SUN1: variants seen among roughly 807,000 people sequenced by gnomAD.
SUN1 encodes Sad1 and UNC84 domain containing 1, also known as SUN domain-containing protein 1.
SUN1 carries 61 observed loss-of-function variants against 103.2 expected under a neutral mutation model. That is an observed-to-expected ratio of 0.59 (90% CI 0.48 to 0.73). The LOEUF is 0.73. Among genes scored for constraint, SUN1 ranks in the 30% least tolerant of loss-of-function variants. The pLI, the probability that SUN1 is intolerant of heterozygous loss-of-function variation, is 0.00. For missense variants in SUN1, 1,052 were observed against 1,034.6 expected (o/e 1.02, Z -0.23); for synonymous variants, 490 against 425.7 (o/e 1.15, Z -1.86).
intron 1 of SUN1, 102 bp downstream of exon 1, chr7:832,703 G>A: frequency 1.1e-6 from 1 of 872,580 alleles, no homozygotes; most frequent in Non-Finnish European, 1.8e-6. Context: ...CCGACTACAT[G>A]CTGTATTTTG....
intron 1 of SUN1, among the ~76,000 whole-genome samples, chr7:817,699 TCTC>T (rs1295568117): frequency 6.6e-6 from 1 of 152,216 alleles, no homozygotes; most frequent in East Asian, 1.9e-4. Flanking sequence ...ACTCCCTACA[TCTC>T]CACTGTGGAG....
chr7:816,317 G>C (rs1323018363), upstream of SUN1: 1 of 183,392 alleles, frequency 5.5e-6, no homozygotes, highest in African/African-American at 3.5e-5. Flanking sequence ...CCCTAAATGC[G>C]GAGCCCTCCC....
rs756527187 is a variant in SUN1, at chr7:860,356, G to A, written c.1753G>A (p.Ala585Thr). 4.3e-6 allele frequency: 7 copies of A among 1,613,866 alleles called. No individual in the cohort carries two copies. The Admixed American group carries it at 8.3e-5, about 19-fold the overall frequency. The change falls in exon 14 of 19, where the codon GCG becomes ACG. Residue 585 changes from alanine (A) to threonine (T), a missense_variant. Ala to Thr is a moderately conservative substitution (Grantham distance 58, BLOSUM62 0). This residue lies in a region of SUN1 where 846 missense variants were observed against 774.5 expected (regional missense o/e 1.09). Transcript: ENST00000401592. The part of the protein sequence containing the change: ...SEAVVSAVSE[A>T]GASGITEAQA... ...AGCCGTGGTGTCTGCTGTGAGCGAG[G>A]CGGGGGCGTCTGGAATAACAGAGGC...
At chr7:851,871 C>A in intron 6 of SUN1, 79 bp from the exon 7 acceptor site, 2 of 1,447,232 alleles carry the variant, frequency 1.4e-6, no homozygotes, top group African/African-American at 1.4e-5. Flanking sequence ...TCTAGCTTGG[C>A]CTTCACAGAA....
chr7:837,103 G>A (rs1396527385), intron 1 of SUN1, among the ~76,000 whole-genome samples: 1 of 152,240 alleles, frequency 6.6e-6, no homozygotes, highest in Non-Finnish European at 1.5e-5. Context: ...ACCCTGTCCT[G>A]GCAGGGAGAG....
At chr7:845,143 G>A (rs537766954) in intron 5 of SUN1, among the ~76,000 whole-genome samples, 99 of 152,270 alleles carry the variant, frequency 6.5e-4, no homozygotes, top group African/African-American at 2.2e-3. Context: ...CTCCCTACGC[G>A]TGTTGTAGTA....
At chr7:837,258 G>C (rs956146318) in intron 1 of SUN1, among the ~76,000 whole-genome samples, 1 of 152,186 alleles carries the variant, frequency 6.6e-6, no homozygotes, top group Non-Finnish European at 1.5e-5. Context: ...GGCTGGAGTC[G>C]GTGTCAGGGC....
At chr7:848,315 A>T in intron 5 of SUN1, 1 of 1,037,148 alleles carries the variant, frequency 9.6e-7, no homozygotes, top group South Asian at 1.4e-5. Context: ...TTTGGTGTCC[A>T]TTCTAAAAGT....
At chr7:870,056 AT>A (rs1440796924) in intron 17 of SUN1, among the ~76,000 whole-genome samples, 2 of 150,608 alleles carry the variant, frequency 1.3e-5, no homozygotes, top group African/African-American at 4.9e-5. Flanking sequence ...AAAAAAAAAA[AT>A]GAGCCAGGCT....
intron 12 of SUN1, among the ~76,000 whole-genome samples, chr7:856,984 C>T (rs973039145): frequency 1.3e-5 from 2 of 152,202 alleles, no homozygotes; most frequent in African/African-American, 4.8e-5. Context: ...TCTGCAGTTC[C>T]TGGGGAAGCT....
chr7:853,339 T>A, intron 9 of SUN1, 70 bp from the exon 10 acceptor site: 1 of 1,563,762 alleles, frequency 6.4e-7, no homozygotes, highest in South Asian at 1.1e-5. Flanking sequence ...GGACACTGTT[T>A]GGAGGTTTAA....
At position 842,272 on chromosome 7, in the gene SUN1, T is replaced by C. The variant is rs954592191; in HGVS notation, c.451+142T>C. ...AGGGAGGCTGTGGCCACATTGTGGG[T>C]TTGCTGCGTGACTGGCTGGTAGGAG... On this transcript the variant is annotated intron_variant, in intron 3 of 18. Transcript: ENST00000401592. The C allele has an allele frequency of 1.1e-5, 10 of 891,602 alleles. No homozygotes were observed. In the Admixed American group the frequency reaches 1.1e-4, roughly 10 times the overall value. 55.2% of individuals were successfully genotyped at this position (891,602 alleles called of 1,614,324 possible).
chr7:818,745 T>C (rs1216853537), intron 1 of SUN1, among the ~76,000 whole-genome samples: 1 of 152,224 alleles, frequency 6.6e-6, no homozygotes, highest in African/African-American at 2.4e-5. Flanking sequence ...AAGTGGCGTC[T>C]CATTTGGCTG....
intron 15 of SUN1, 116 bp downstream of exon 15, chr7:861,580 C>A: frequency 2.0e-6 from 2 of 982,226 alleles, no homozygotes; most frequent in Non-Finnish European, 3.2e-6. Context: ...AACTTTTAAA[C>A]ATCTGAGAAA....
intron 15 of SUN1, among the ~76,000 whole-genome samples, chr7:863,950 T>TAA (rs1468614581): frequency 6.6e-6 from 1 of 152,208 alleles, no homozygotes; most frequent in African/African-American, 2.4e-5. Context: ...AGGACTAGTC[T>TAA]AAAAGTAGGA....
At chr7:829,497 G>C (rs973861103), upstream of SUN1, among the ~76,000 whole-genome samples, 1 of 151,978 alleles carries the variant, frequency 6.6e-6, no homozygotes, top group Non-Finnish European at 1.5e-5. Context: ...TTAGGGTAGG[G>C]TGAACAAATC....
At chr7:832,172 T>C, upstream of SUN1, 1 of 844,506 alleles carries the variant, frequency 1.2e-6, no homozygotes, top group Non-Finnish European at 1.5e-6. Context: ...ACAGTGAGGA[T>C]TTAAAAACAC....
intron 5 of SUN1, among the ~76,000 whole-genome samples, chr7:844,975 AG>A (rs1813964917): frequency 6.6e-6 from 1 of 152,178 alleles, no homozygotes; most frequent in East Asian, 1.9e-4. Context: ...CCGTGTATTC[AG>A]TGTTTATTGA....
chr7:849,828 C>T (rs1339126353), intron 5 of SUN1: 1 of 1,346,578 alleles, frequency 7.4e-7, no homozygotes, highest in Non-Finnish European at 1.0e-6. Context: ...ATTGAGTTTC[C>T]CAGTTTCTAC....
Sources: allele counts gnomAD v4.1 joint callset (sites outside exome capture counted in the v4.1 genomes callset), GRCh38; gene constraint gnomAD v4.1.1; regional missense constraint gnomAD v4.1.1; transcripts MANE v1.5; gene names NCBI Gene and HGNC (gene_info 2026-07-23, HGNC 2026-07-21).